SLC35F4: variants seen among roughly 807,000 people sequenced by gnomAD.
SLC35F4 encodes chromosome 14 open reading frame 36.
A neutral mutation model predicts 44.2 loss-of-function variants in SLC35F4; 24 were observed. The ratio of observed to expected loss-of-function variants is 0.54; its 90% CI spans 0.39 to 0.76. The LOEUF is 0.76. Ranked by LOEUF, SLC35F4 falls within the 30% of genes least tolerant of loss-of-function variation. The pLI is 0.00. For missense variants in SLC35F4, 562 were observed against 586.1 expected, an observed-to-expected ratio of 0.96 and a Z score of 0.42; for synonymous variants, 238 against 223.6, an observed-to-expected ratio of 1.06 and a Z score of -0.57.
At chr14:57,912,845 T>C (rs1889243313) in intron 1 of SLC35F4, among the ~76,000 whole-genome samples, 1 of 152,064 alleles carries the variant, frequency 6.6e-6, no homozygotes, top group African/African-American at 2.4e-5. Flanking sequence ...GCTGGATCTG[T>C]CCATTTCTGA....
At chr14:57,618,919 T>C (rs2072017128) in intron 1 of SLC35F4, among the ~76,000 whole-genome samples, 1 of 152,000 alleles carries the variant, frequency 6.6e-6, no homozygotes, top group East Asian at 1.9e-4. Flanking sequence ...TAAACAAAGA[T>C]GCTGGGAAGT....
At chr14:57,796,665 T>G (rs1415873884) in intron 1 of SLC35F4, among the ~76,000 whole-genome samples, 1 of 152,206 alleles carries the variant, frequency 6.6e-6, no homozygotes. Context: ...ATTTAAATTC[T>G]CATGTAAATA....
At chr14:57,740,368 A>G (rs2076574774) in intron 1 of SLC35F4, among the ~76,000 whole-genome samples, 1 of 152,088 alleles carries the variant, frequency 6.6e-6, no homozygotes, top group Admixed American at 6.6e-5. Context: ...TTGTATTTCT[A>G]TTTTTCCAAC....
chr14:57,586,964 A>T (rs999816746), intron 3 of SLC35F4, among the ~76,000 whole-genome samples: 3 of 147,644 alleles, frequency 2.0e-5, no homozygotes, highest in African/African-American at 7.5e-5. Context: ...CAAGAAAAAA[A>T]AACCAACAAA....
intron 1 of SLC35F4, among the ~76,000 whole-genome samples, chr14:57,754,006 T>C (rs2076942113): frequency 6.6e-6 from 1 of 151,652 alleles, no homozygotes; most frequent in Non-Finnish European, 1.5e-5. Context: ...CCCTTCCCTC[T>C]CAGGATTAGT....
intron 1 of SLC35F4, among the ~76,000 whole-genome samples, chr14:57,740,237 A>C (rs1392657465): frequency 6.6e-6 from 1 of 151,910 alleles, no homozygotes; most frequent in East Asian, 1.9e-4. Context: ...AAACCACAGA[A>C]CTCTGTTTTT....
intron 1 of SLC35F4, among the ~76,000 whole-genome samples, chr14:57,682,912 AG>A (rs1374649495): frequency 6.6e-6 from 1 of 152,186 alleles, no homozygotes; most frequent in African/African-American, 2.4e-5. Flanking sequence ...TACAGATAAT[AG>A]GGCAACAGTC....
At chr14:57,746,638 T>C (rs1823235140) in intron 1 of SLC35F4, among the ~76,000 whole-genome samples, 1 of 152,152 alleles carries the variant, frequency 6.6e-6, no homozygotes, top group African/African-American at 2.4e-5. Context: ...AAAAAGTTTT[T>C]AAAAATAAAA....
At chr14:57,949,716 T>C (rs1890100880) in intron 1 of SLC35F4, among the ~76,000 whole-genome samples, 1 of 152,192 alleles carries the variant, frequency 6.6e-6, no homozygotes, top group African/African-American at 2.4e-5. Context: ...GTAGTGCTAG[T>C]TCTCTAGTGG....
At chr14:57,871,422 AT>A (rs202202933) in intron 1 of SLC35F4, among the ~76,000 whole-genome samples, 2 of 152,274 alleles carry the variant, frequency 1.3e-5, no homozygotes, top group East Asian at 1.9e-4. Context: ...GCAAATAAAG[AT>A]TTTTTTAAAC....
chr14:57,968,852 G>A (rs998442276), intron 1 of SLC35F4, among the ~76,000 whole-genome samples: 1 of 152,188 alleles, frequency 6.6e-6, no homozygotes, highest in Non-Finnish European at 1.5e-5. Context: ...AAGATGAAAT[G>A]TCAGAAATAT....
chr14:57,712,295 G>GTTAGT (rs35196988), intron 1 of SLC35F4, among the ~76,000 whole-genome samples: 1 of 151,932 alleles, frequency 6.6e-6, no homozygotes, highest in Non-Finnish European at 1.5e-5. Context: ...TGCCTACACA[G>GTTAGT]TATGAGGTTG....
intron 1 of SLC35F4, among the ~76,000 whole-genome samples, chr14:57,929,886 T>A (rs1277578175): frequency 6.6e-6 from 1 of 152,146 alleles, no homozygotes; most frequent in African/African-American, 2.4e-5. Context: ...TTGGGATGGG[T>A]GTCATCAACA....
intron 3 of SLC35F4, among the ~76,000 whole-genome samples, chr14:57,584,123 TTTTTCCCCTAAGA>T (rs778861868): frequency 1.2e-4 from 18 of 152,188 alleles, no homozygotes; most frequent in Non-Finnish European, 1.8e-4. Context: ...CTATCTAAGA[TTTTTCCCCTAAGA>T]AAACGTCCTT....
rs552691527 is a variant in SLC35F4, at chr14:57,819,887, G to A, written c.103+45836C>T. 2.6e-5 allele frequency among the ~76,000 whole-genome samples: 4 copies of A among 151,798 alleles called. No individual in the cohort carries two copies. In the South Asian group the frequency reaches 8.3e-4, roughly 32 times the overall value. ...TACCAAGGCTTCTTATAAATCTACA[G>A]TACTTAGGACTGTGTGGTATGGATG... On this transcript the variant is annotated intron_variant, in intron 1 of 7. Transcript: ENST00000556826.
intron 1 of SLC35F4, among the ~76,000 whole-genome samples, chr14:57,689,128 C>T (rs1416211783): frequency 6.6e-6 from 1 of 152,110 alleles, no homozygotes; most frequent in African/African-American, 2.4e-5. Flanking sequence ...GCTTCAAATT[C>T]AGCATTCCAC....
In SLC35F4 at chr14:57,564,028, T is replaced by C; in HGVS notation, c.*107A>G. The C allele has an allele frequency of 8.0e-7, 1 of 1,248,378 alleles. No homozygotes were observed. Among genetic ancestry groups the C allele is most frequent in the East Asian group, 2.5e-5 (1 of 40,548 alleles). 77.3% of individuals were successfully genotyped at this position (1,248,378 alleles called of 1,614,324 possible). A position where few individuals can be genotyped will look rare whatever the true frequency, so the allele number is the denominator to read the frequency against. On this transcript the variant is annotated 3_prime_UTR_variant, in exon 8 of 8. Coordinates refer to ENST00000556826, the MANE Select transcript of SLC35F4 (RefSeq NM_001306087.2). ...ATTGTTGGCATTATTTCACATATGA[T>C]TTATCCAAATTCAGAGTTAATACTG...
At chr14:57,621,888 A>G (rs946110436) in intron 1 of SLC35F4, among the ~76,000 whole-genome samples, 3 of 150,758 alleles carry the variant, frequency 2.0e-5, no homozygotes, top group Non-Finnish European at 3.0e-5. Context: ...GCAACCCACA[A>G]AATGGGAGAA....
intron 1 of SLC35F4, among the ~76,000 whole-genome samples, chr14:57,686,873 C>T (rs141879384): frequency 7.2e-4 from 110 of 152,166 alleles, no homozygotes; most frequent in African/African-American, 2.5e-3. Flanking sequence ...GTCTCCCCCA[C>T]CCCAAATTTA....
Sources: allele counts gnomAD v4.1 joint callset (sites outside exome capture counted in the v4.1 genomes callset), GRCh38; gene constraint gnomAD v4.1.1; transcripts MANE v1.5; gene names NCBI Gene and HGNC (gene_info 2026-07-23, HGNC 2026-07-21).